Variants in ASH1L observed in about 807,000 individuals in gnomAD.
The protein encoded by ASH1L is histone-lysine N-methyltransferase ASH1L.
A neutral mutation model predicts 269.0 loss-of-function variants in ASH1L; 23 were observed. The ratio of observed to expected loss-of-function variants is 0.09; its 90% CI spans 0.06 to 0.12. ASH1L has a LOEUF of 0.12. Ranked by LOEUF, ASH1L falls within the 10% of genes least tolerant of loss-of-function variation. The pLI is 1.00. For synonymous variants in ASH1L, 1,187 were observed against 1,253.5 expected (o/e 0.95, Z 1.12); for missense variants, 2,912 against 3,567.8 (o/e 0.82, Z 4.68).
Position 155,438,521 on chromosome 1 carries a change from G to A in ASH1L, c.5634C>T (p.Asn1878=). The change falls in exon 5 of 28, where the codon AAC becomes AAT. Residue 1878 remains asparagine (N), a synonymous_variant. Coordinates refer to ENST00000392403, the MANE Select transcript of ASH1L (RefSeq NM_018489.3). ...GCAGTGCTGCTCCTTCCTCGTCTCT[G>A]TTCAATTCTGGGTTGACAAACTGAG... The part of the protein sequence containing the change: ...QAAQFVNPEL[N]RDEEGAALHL... The A allele has an allele frequency of 6.2e-7, 1 of 1,613,196 alleles. No homozygotes were observed. Among genetic ancestry groups the A allele is most frequent in the Non-Finnish European group, 8.5e-7 (1 of 1,179,662 alleles).
At chr1:155,427,474 TG>T in intron 5 of ASH1L, among the ~76,000 whole-genome samples, 1 of 152,234 alleles carries the variant, frequency 6.6e-6, no homozygotes, top group Admixed American at 6.6e-5. Flanking sequence ...GGCTAATTTT[TG>T]TACTTTTTAG....
chr1:155,481,185 A>G lies in ASH1L; in HGVS notation c.1685T>C (p.Val562Ala), dbSNP rs1397368595. Residue 562 changes from valine (V) to alanine (A), a missense_variant, in exon 3 of 28, where the codon GTA becomes GCA. By Grantham distance (64) the Val-to-Ala change is moderately conservative. This residue lies in a region of ASH1L where 715 missense variants were observed against 721.0 expected (regional missense o/e 0.99). Coordinates refer to ENST00000392403, the MANE Select transcript of ASH1L (RefSeq NM_018489.3). Reference sequence around the variant, plus strand: ...ACTTCTGGTTAAAGGATTAACAGATACAGTAGGTGATGGGGAAGGGAGATT... The same window carrying G: ...ACTTCTGGTTAAAGGATTAACAGATGCAGTAGGTGATGGGGAAGGGAGATT... ...ESNLPSPSPT[V>A]SVNPLTRSPP... 1 of 1,614,090 alleles carries G rather than the reference A, an allele frequency of 6.2e-7. No individual in the cohort carries two copies. Among genetic ancestry groups the G allele is most frequent in the Non-Finnish European group, 8.5e-7 (1 of 1,179,988 alleles).
chr1:155,521,105 T>C lies in ASH1L; in HGVS notation c.415A>G (p.Lys139Glu). 6.3e-7 allele frequency: 1 copy of C among 1,586,970 alleles called. No homozygotes were observed. The highest frequency in any genetic ancestry group is 1.4e-5 in the African/African-American group (1 of 73,310). The change falls in exon 2 of 28, where the codon AAA becomes GAA. Residue 139 changes from lysine to glutamate, a missense_variant. Lys to Glu is a moderately conservative substitution (Grantham distance 56). This residue lies in a region of ASH1L where 277 missense variants were observed against 367.7 expected (regional missense o/e 0.75). Transcript: ENST00000392403. ...TDEKNEHCPS[K>E]RDPSKLYKKA... ...TTGTTAGGAATTCTACTTACTCGTT[T>C]TGAAGGACAGTGTTCATTCTTTTCA... is the stretch of plus-strand genomic sequence containing the variant.
At chr1:155,410,146 T>G (rs535714808) in intron 6 of ASH1L, among the ~76,000 whole-genome samples, 1 of 152,130 alleles carries the variant, frequency 6.6e-6, no homozygotes, top group South Asian at 2.1e-4. Context: ...GAGACAGGGT[T>G]TCAAAAAAAA....
chr1:155,403,949 G>A (rs563956807), intron 6 of ASH1L, among the ~76,000 whole-genome samples: 4 of 151,330 alleles, frequency 2.6e-5, no homozygotes, highest in East Asian at 1.9e-4. Flanking sequence ...CCAGCTACTC[G>A]GGAGGCTGAG....
In ASH1L at chr1:155,378,091, G is replaced by C. The variant is rs181486375; in HGVS notation, c.6332+190C>G. Among the ~76,000 whole-genome samples, 67 of 151,772 alleles carry C rather than the reference G, an allele frequency of 4.4e-4. 1 individual carries two copies. In the South Asian group the frequency reaches 0.014, roughly 32 times the overall value. ...AAAAAGTAAAAGGATTTAAACCAACGAAGGCACACACAAGACTCTAAATCT... is the reference window on the plus strand; with the variant it reads ...AAAAAGTAAAAGGATTTAAACCAACCAAGGCACACACAAGACTCTAAATCT... On this transcript the variant is annotated intron_variant, in intron 10 of 27. Transcript: ENST00000392403.
intron 1 of ASH1L, among the ~76,000 whole-genome samples, chr1:155,546,943 TTC>T: frequency 6.9e-6 from 1 of 144,086 alleles, no homozygotes; most frequent in Admixed American, 6.9e-5. Flanking sequence ...TTTCATCACA[TTC>T]TTTTTTTTTT....
intron 5 of ASH1L, among the ~76,000 whole-genome samples, chr1:155,417,188 G>T (rs1458882791): frequency 6.6e-6 from 1 of 151,072 alleles, no homozygotes; most frequent in Non-Finnish European, 1.5e-5. Context: ...GCCCACCTCA[G>T]CTTCCCAAAG....
intron 6 of ASH1L, among the ~76,000 whole-genome samples, chr1:155,400,606 T>C (rs1658749063): frequency 6.6e-6 from 1 of 152,186 alleles, no homozygotes; most frequent in Non-Finnish European, 1.5e-5. Context: ...TAGGATCTGA[T>C]AAATTCTATA....
At chr1:155,369,241 A>G (rs1005182414) in intron 12 of ASH1L, among the ~76,000 whole-genome samples, 7 of 152,176 alleles carry the variant, frequency 4.6e-5, no homozygotes, top group Middle Eastern at 3.2e-3. Context: ...CAGGAGATCG[A>G]GACCATCCTG....
At chr1:155,369,042 C>T (rs1404883553) in intron 12 of ASH1L, among the ~76,000 whole-genome samples, 3 of 152,132 alleles carry the variant, frequency 2.0e-5, no homozygotes, top group Non-Finnish European at 2.9e-5. Flanking sequence ...GGGAGATTGA[C>T]TTAAAAGGTA....
At chr1:155,377,475 G>A (rs1247240064) in intron 10 of ASH1L, among the ~76,000 whole-genome samples, 1 of 151,928 alleles carries the variant, frequency 6.6e-6, no homozygotes, top group Non-Finnish European at 1.5e-5. Context: ...CATACCTATA[G>A]TTCCAGCTAC....
In ASH1L at chr1:155,480,173, T is replaced by C. The variant is rs1558149877; in HGVS notation, c.2697A>G (p.Ser899=). The C allele has an allele frequency of 1.2e-6, 2 of 1,614,132 alleles. No individual in the cohort carries two copies. The highest frequency in any genetic ancestry group is 1.7e-6 in the Non-Finnish European group (2 of 1,179,980). Residue 899 remains serine, a synonymous_variant, in exon 3 of 28, where the codon TCA becomes TCG. Coordinates refer to ENST00000392403, the MANE Select transcript of ASH1L (RefSeq NM_018489.3). ...KRGRPKRQMR[S]PVKMKPPVLS... The stretch of plus-strand genomic sequence containing the variant: ...GTACAGGTGGCTTCATCTTGACTGG[T>C]GACCTCATTTGCCTCTTAGGCCTGC...
rs550440576 is a variant in ASH1L, at chr1:155,425,277, GT to G, written c.5829-9355del. On this transcript the variant is annotated intron_variant, in intron 5 of 27. Transcript: ENST00000392403. ...GGCATGGGCCACCACGCCCGGCCTA[GT>G]TTTTTTTTTTTTTTTTTGAGACAGA... 1.3e-3 allele frequency among the ~76,000 whole-genome samples: 167 copies of G among 129,232 alleles called. 1 individual carries two copies. Among genetic ancestry groups the G allele is most frequent in the South Asian group, 2.6e-3 (10 of 3,860 alleles). The allele number at this position is 129,232 out of a possible 152,430, so 84.8% of individuals were successfully genotyped here.
At chr1:155,552,666 G>A (rs544659760) in intron 1 of ASH1L, among the ~76,000 whole-genome samples, 231 of 151,960 alleles carry the variant, frequency 1.5e-3, no homozygotes, top group African/African-American at 5.2e-3. Flanking sequence ...AGCCAAACAC[G>A]AAAACCTAGG....
intron 2 of ASH1L, among the ~76,000 whole-genome samples, chr1:155,510,917 AG>A (rs1443288956): frequency 6.6e-6 from 1 of 152,204 alleles, no homozygotes; most frequent in African/African-American, 2.4e-5. Context: ...ACTTTTATAT[AG>A]CAAAATATTA....
intron 4 of ASH1L, among the ~76,000 whole-genome samples, chr1:155,440,089 C>T (rs2148623653): frequency 6.6e-6 from 1 of 152,084 alleles, no homozygotes; most frequent in Non-Finnish European, 1.5e-5. Context: ...GTGGAAGGAT[C>T]ACTTGATGCC....
At chr1:155,487,613 C>T (rs1464105286) in intron 2 of ASH1L, among the ~76,000 whole-genome samples, 2 of 151,986 alleles carry the variant, frequency 1.3e-5, no homozygotes, top group Non-Finnish European at 2.9e-5. Context: ...TCTCGAACTC[C>T]GGGGCTCAAG....
At chr1:155,354,723 A>AC in intron 15 of ASH1L, 93 bp from the exon 16 acceptor site, 1 of 1,233,038 alleles carries the variant, frequency 8.1e-7, no homozygotes, top group South Asian at 1.5e-5. Flanking sequence ...TAGACGATAT[A>AC]CGTGAATTGA....
Sources: gnomAD v4.1 joint callset for allele counts (sites outside exome capture counted in the v4.1 genomes callset) on GRCh38, gnomAD v4.1.1 for gene constraint, gnomAD v4.1.1 regional missense constraint, MANE v1.5 for transcripts, NCBI Gene and HGNC (gene_info 2026-07-23, HGNC 2026-07-21) for gene names.